ADIPOR2: variants seen among roughly 807,000 people sequenced by gnomAD.
ADIPOR2 encodes the protein adiponectin receptor protein 2.
A neutral mutation model predicts 40.9 loss-of-function variants in ADIPOR2; 18 were observed. That is an observed-to-expected ratio of 0.44 (90% CI 0.30 to 0.65). The LOEUF (loss-of-function observed/expected upper bound fraction) is 0.65, where lower values mean the gene tolerates loss of function less well. ADIPOR2 is among the 30% of genes least tolerant of loss of function. ADIPOR2 has a pLI of 0.09. For synonymous variants in ADIPOR2, 165 were observed against 166.4 expected (o/e 0.99, Z 0.06); for missense variants, 283 against 479.2 (o/e 0.59, Z 3.82).
At chr12:1,716,856 A>G (rs1029997083) in intron 1 of ADIPOR2, among the ~76,000 whole-genome samples, 11 of 152,224 alleles carry the variant, frequency 7.2e-5, no homozygotes, top group Non-Finnish European at 1.3e-4. Context: ...ACTAGGTAGC[A>G]TTACTGGAAA....
chr12:1,769,849 ATTC>A (rs2154444078), intron 2 of ADIPOR2, among the ~76,000 whole-genome samples: 1 of 152,052 alleles, frequency 6.6e-6, no homozygotes, highest in Admixed American at 6.6e-5. Context: ...GCCGGAAATA[ATTC>A]TTTTATAAAG....
At chr12:1,693,115 A>C (rs533249090) in intron 1 of ADIPOR2, among the ~76,000 whole-genome samples, 1 of 152,198 alleles carries the variant, frequency 6.6e-6, no homozygotes, top group African/African-American at 2.4e-5. Flanking sequence ...AGATTGCACC[A>C]TTGCACTCCA....
intron 1 of ADIPOR2, among the ~76,000 whole-genome samples, chr12:1,746,013 G>GT (rs2094754211): frequency 6.6e-6 from 1 of 151,900 alleles, no homozygotes; most frequent in Non-Finnish European, 1.5e-5. Flanking sequence ...TCCTATGCTT[G>GT]TTTTCACTTA....
chr12:1,778,759 T>C (rs1862652749), intron 4 of ADIPOR2, among the ~76,000 whole-genome samples: 1 of 152,150 alleles, frequency 6.6e-6, no homozygotes, highest in Admixed American at 6.5e-5. Context: ...AGACAACCCA[T>C]AGAGAAGAGA....
At chr12:1,718,858 C>T (rs1295293614) in intron 1 of ADIPOR2, among the ~76,000 whole-genome samples, 1 of 152,054 alleles carries the variant, frequency 6.6e-6, no homozygotes. Context: ...GGACGGGTTC[C>T]TTGTGATTTT....
intron 1 of ADIPOR2, among the ~76,000 whole-genome samples, chr12:1,725,827 A>G (rs946907442): frequency 3.9e-5 from 6 of 152,236 alleles, no homozygotes; most frequent in African/African-American, 1.4e-4. Flanking sequence ...TCAATTTATG[A>G]AGATACAGTA....
rs1173076572 is a variant in ADIPOR2, at chr12:1,778,029, T to G, written c.463+4T>G. ...AACATTTGGACACATCTCTTAGGTATGTAATGTCAGTGATGTAATGAGCTG... is the reference window on the plus strand; with the variant it reads ...AACATTTGGACACATCTCTTAGGTAGGTAATGTCAGTGATGTAATGAGCTG... On this transcript the variant is annotated splice_donor_region_variant and intron_variant, in intron 4 of 7. Coordinates refer to ENST00000357103, the MANE Select transcript of ADIPOR2 (RefSeq NM_024551.3). The G allele has an allele frequency of 1.2e-6, 2 of 1,610,826 alleles. No homozygotes were observed. The highest frequency in any genetic ancestry group is 1.7e-6 in the Non-Finnish European group (2 of 1,178,666).
chr12:1,751,692 T>A (rs1045646961), intron 1 of ADIPOR2, among the ~76,000 whole-genome samples: 7 of 150,432 alleles, frequency 4.7e-5, no homozygotes, highest in African/African-American at 9.8e-5. Flanking sequence ...TTAAAAAAAT[T>A]TTTTTTTTTG....
intron 1 of ADIPOR2, among the ~76,000 whole-genome samples, chr12:1,740,488 G>A (rs749611871): frequency 1.4e-5 from 2 of 147,800 alleles, no homozygotes; most frequent in South Asian, 2.1e-4. Context: ...CAGTCATAGT[G>A]GATTAGGCCC....
intron 1 of ADIPOR2, chr12:1,730,970 A>G (rs1349733453): frequency 3.3e-5 from 5 of 152,214 alleles, no homozygotes; most frequent in African/African-American, 4.8e-5. Flanking sequence ...TATGTTTATT[A>G]TTAAAAACTT....
At chr12:1,770,200 A>G (rs1052623669) in intron 2 of ADIPOR2, among the ~76,000 whole-genome samples, 4 of 152,136 alleles carry the variant, frequency 2.6e-5, no homozygotes, top group Non-Finnish European at 5.9e-5. Context: ...CTTATATGTA[A>G]CCAGTTGCAC....
chr12:1,727,238 A>G (rs904606810), intron 1 of ADIPOR2, among the ~76,000 whole-genome samples: 17 of 152,138 alleles, frequency 1.1e-4, no homozygotes, highest in Non-Finnish European at 2.9e-5. Context: ...TGTGTACTGT[A>G]TTTCTGTTCT....
At chr12:1,700,811 A>AT (rs2094648601) in intron 1 of ADIPOR2, among the ~76,000 whole-genome samples, 1 of 150,580 alleles carries the variant, frequency 6.6e-6, no homozygotes, top group South Asian at 2.1e-4. Context: ...AAAAAAAAAA[A>AT]GGTGAGGGCT....
chr12:1,697,121 T>C (rs531087283), intron 1 of ADIPOR2: 3 of 152,360 alleles, frequency 2.0e-5, no homozygotes, highest in African/African-American at 7.2e-5. Flanking sequence ...GGAGATAAGA[T>C]TTATGAGCAT....
intron 1 of ADIPOR2, among the ~76,000 whole-genome samples, chr12:1,704,043 G>T (rs1592572795): frequency 2.4e-5 from 3 of 124,858 alleles, no homozygotes; most frequent in South Asian, 2.7e-4. Context: ...TTGGGTCTTG[G>T]TTCTACCTGG....
At chr12:1,760,074 C>T (rs530005821) in intron 2 of ADIPOR2, among the ~76,000 whole-genome samples, 133 of 149,750 alleles carry the variant, frequency 8.9e-4, no homozygotes, top group Middle Eastern at 3.4e-3. Flanking sequence ...ACCTCCTTCC[C>T]GTAGGAGATA....
chr12:1,730,434 G>A (rs994454907), intron 1 of ADIPOR2, among the ~76,000 whole-genome samples: 3 of 151,350 alleles, frequency 2.0e-5, no homozygotes, highest in Non-Finnish European at 2.9e-5. Context: ...TGACTAACAC[G>A]GTGAAACCTC....
intron 2 of ADIPOR2, among the ~76,000 whole-genome samples, chr12:1,756,341 G>A (rs1862130801): frequency 6.6e-6 from 1 of 151,896 alleles, no homozygotes; most frequent in African/African-American, 2.4e-5. Context: ...AGTAGAGACG[G>A]GGTTTCACCA....
chr12:1,724,511 G>GT (rs2094704016), intron 1 of ADIPOR2, among the ~76,000 whole-genome samples: 1 of 152,154 alleles, frequency 6.6e-6, no homozygotes, highest in Non-Finnish European at 1.5e-5. Context: ...GAGAGTTACT[G>GT]TTTAACGGGT....
Sources: gnomAD v4.1 joint callset for allele counts (sites outside exome capture counted in the v4.1 genomes callset) on GRCh38, gnomAD v4.1.1 for gene constraint, MANE v1.5 for transcripts, NCBI Gene and HGNC (gene_info 2026-07-23, HGNC 2026-07-21) for gene names.